TEAD2: variants seen among roughly 807,000 people sequenced by gnomAD.
TEAD2 encodes transcriptional enhancer factor TEF-4.
Under a neutral mutation model 61.4 loss-of-function variants are expected in TEAD2, and 51 were observed. The observed-to-expected ratio is 0.83, with a 90% CI of 0.66 to 1.05. The LOEUF (loss-of-function observed/expected upper bound fraction) is 1.05. Ranked by LOEUF, TEAD2 falls within the 50% of genes least tolerant of loss-of-function variation. TEAD2 has a pLI of 0.00. For missense variants in TEAD2, 509 were observed against 600.0 expected, an observed-to-expected ratio of 0.85 and a Z score of 1.58; for synonymous variants, 244 against 243.2, an observed-to-expected ratio of 1.00 and a Z score of -0.03.
In TEAD2 at chr19:49,346,589, G is replaced by A. The variant is rs376110045; in HGVS notation, c.921+601C>T. ...GGAGAATCGCTTGAATCCAGGAGGC[G>A]GAGGTTGCCGTGAGCCAAGATACAG... On this transcript the variant is annotated intron_variant, in intron 10 of 12. Transcript: ENST00000593945. Among the ~76,000 whole-genome samples, 7 of 151,826 alleles carry A rather than the reference G, an allele frequency of 4.6e-5. No individual in the cohort carries two copies. In the South Asian group the frequency reaches 6.2e-4, roughly 14 times the overall value.
intron 5 of TEAD2, 46 bp downstream of exon 5, chr19:49,355,913 C>G: frequency 7.7e-7 from 1 of 1,293,014 alleles, no homozygotes; most frequent in Non-Finnish European, 9.8e-7. Context: ...GGACAGGGCA[C>G]TAGTTTGGAG....
At position 49,359,623 on chromosome 19, in the gene TEAD2, C is replaced by A; in HGVS notation, c.233-124G>T. 8.3e-7 allele frequency: 1 copy of A among 1,198,992 alleles called. No homozygotes were observed. Among genetic ancestry groups the A allele is most frequent in the Non-Finnish European group, 1.2e-6 (1 of 820,824 alleles). The allele number at this position is 1,198,992 out of a possible 1,614,324, so 74.3% of individuals were successfully genotyped here. ...GGTCTGCAGCAAGTGGGCTGCCGGTCCCCTCAGCTACGTGGAAGCCAGACT... is the reference window on the plus strand; with the variant it reads ...GGTCTGCAGCAAGTGGGCTGCCGGTACCCTCAGCTACGTGGAAGCCAGACT... On this transcript the variant is annotated intron_variant, in intron 2 of 12. Coordinates refer to ENST00000593945, the MANE Select transcript of TEAD2 (RefSeq NM_001256660.2). This position sits in a 1 kb window ranked among gnomAD's most constrained non-coding sequence, Gnocchi z 4.1.
At chr19:49,342,639 G>A (rs372107792) in intron 11 of TEAD2, 49 bp from the exon 12 acceptor site, 37 of 1,592,662 alleles carry the variant, frequency 2.3e-5, no homozygotes, top group African/African-American at 1.3e-4. Flanking sequence ...AGAGACCCAC[G>A]GGTCACCCCA....
chr19:49,356,966 CTGGGTCTCTGTCCCCCTCTGTCTA>C (rs1972443669), intron 4 of TEAD2, among the ~76,000 whole-genome samples: 1 of 151,388 alleles, frequency 6.6e-6, no homozygotes, highest in Non-Finnish European at 1.5e-5. Flanking sequence ...CCCTCTGTCT[CTGGGTCTCTGTCCCCCTCTGTCTA>C]TGGGTCTCTG....
chr19:49,346,280 G>A (rs765955815), intron 10 of TEAD2, among the ~76,000 whole-genome samples: 37 of 152,062 alleles, frequency 2.4e-4, no homozygotes, highest in Non-Finnish European at 3.1e-4. Flanking sequence ...CACGCAAGAT[G>A]GGCCCTCTTA....
At chr19:49,342,081 A>C (rs1971312256) in intron 12 of TEAD2, among the ~76,000 whole-genome samples, 1 of 151,860 alleles carries the variant, frequency 6.6e-6, no homozygotes, top group Non-Finnish European at 1.5e-5. Flanking sequence ...AATCCCAGCT[A>C]CTCGGGAGGC....
rs372519773 is a variant in TEAD2, at chr19:49,355,334, T to C, written c.458A>G (p.Lys153Arg). 8 of 1,614,146 alleles carry C rather than the reference T, an allele frequency of 5.0e-6. No individual in the cohort carries two copies. Among genetic ancestry groups the C allele is most frequent in the East Asian group, 4.5e-5 (2 of 44,878 alleles). Residue 153 changes from lysine to arginine, a missense_variant, in exon 6 of 13, where the codon AAA becomes AGA. Lys to Arg is a conservative substitution (Grantham distance 26). Transcript: ENST00000593945. ...CACCTGAGGACCAGTGGGACCCAGT[T>C]TGGCCTGCAGAGAAGGCGCGGAGAT... ...QLISAPSLQAKLGPTGPQASE... is the reference protein window; with the variant it reads ...QLISAPSLQARLGPTGPQASE...
In TEAD2 at chr19:49,350,650, G is replaced by T. The variant is rs112720418; in HGVS notation, c.604+651C>A. Among the ~76,000 whole-genome samples the T allele has an allele frequency of 6.5e-3, 992 of 151,852 alleles. 18 individuals carry two copies. Among genetic ancestry groups the T allele is most frequent in the Middle Eastern group, 0.038 (11 of 292 alleles). On this transcript the variant is annotated intron_variant, in intron 8 of 12. Transcript: ENST00000593945. Reference sequence around the variant, plus strand: ...GCACCTGCCTCTTCTTTTTTAAAATGTTGCTTCAGCTGGCTTGATTTGGAT... The same window carrying T: ...GCACCTGCCTCTTCTTTTTTAAAATTTTGCTTCAGCTGGCTTGATTTGGAT...
chr19:49,342,227 A>ACCACATCAGTT (rs2067329), intron 12 of TEAD2, among the ~76,000 whole-genome samples: 89,556 of 151,118 alleles, frequency 0.59, 27,935 homozygotes, highest in African/African-American at 0.81. Context: ...TGACATCCCC[A>ACCACATCAGTT]CCCTGGGTGA....
At chr19:49,362,125 C>A (rs2146730053) in intron 1 of TEAD2, among the ~76,000 whole-genome samples, 1 of 152,310 alleles carries the variant, frequency 6.6e-6, no homozygotes, top group African/African-American at 2.4e-5. Context: ...GCGCCCTTGG[C>A]CCGCACCCGC....
rs1300883701 is a variant in TEAD2, at chr19:49,359,561, G to A, written c.233-62C>T. ...TTCAACAGAACTTCCCCACAGCATG[G>A]ACACCAGGGAAGAAGAAAGCAGCAT... On this transcript the variant is annotated intron_variant, in intron 2 of 12. Transcript: ENST00000593945. This position sits in a 1 kb window ranked among gnomAD's most constrained non-coding sequence, Gnocchi z 4.1. 6.4e-7 allele frequency: 1 copy of A among 1,570,736 alleles called. No individual in the cohort carries two copies. The highest frequency in any genetic ancestry group is 8.8e-7 in the Non-Finnish European group (1 of 1,141,220).
At chr19:49,348,049 C>T (rs895965944) in intron 9 of TEAD2, among the ~76,000 whole-genome samples, 2 of 152,182 alleles carry the variant, frequency 1.3e-5, no homozygotes, top group East Asian at 1.9e-4. Flanking sequence ...AAACCTCCTG[C>T]ACAATCTTGA....
intron 3 of TEAD2, among the ~76,000 whole-genome samples, chr19:49,358,459 G>C (rs1001391978): frequency 6.6e-6 from 1 of 151,852 alleles, no homozygotes; most frequent in African/African-American, 2.4e-5. Context: ...AAAGAGTCTG[G>C]GACCTCTGTC....
At chr19:49,349,027 TCTG>T (rs1452917828) in intron 8 of TEAD2, 182 bp from the exon 9 acceptor site, 1 of 623,094 alleles carries the variant, frequency 1.6e-6, no homozygotes, top group African/African-American at 1.9e-5. Context: ...TTAGGGGAAA[TCTG>T]CTGGGGGGCT....
rs762804823 is a variant in TEAD2, at chr19:49,351,286, A to G, written c.604+15T>C. ...AGAGAGGGGAGACAAGGGAGGGTGGAGCGCAGGCTCTTACCTGGGAGGTCA... is the reference window on the plus strand; with the variant it reads ...AGAGAGGGGAGACAAGGGAGGGTGGGGCGCAGGCTCTTACCTGGGAGGTCA... On this transcript the variant is annotated intron_variant, in intron 8 of 12. Coordinates refer to ENST00000593945, the MANE Select transcript of TEAD2 (RefSeq NM_001256660.2). 1.9e-6 allele frequency: 3 copies of G among 1,608,858 alleles called. No individual in the cohort carries two copies. Among genetic ancestry groups the G allele is most frequent in the Non-Finnish European group, 8.5e-7 (1 of 1,178,022 alleles).
intron 10 of TEAD2, among the ~76,000 whole-genome samples, chr19:49,346,171 A>T (rs905685650): frequency 2.1e-5 from 3 of 144,700 alleles, no homozygotes; most frequent in Admixed American, 6.9e-5. Flanking sequence ...ATCTCAAAAA[A>T]AAAAAAAAAA....
chr19:49,342,432 C>A lies in TEAD2; in HGVS notation c.1242+6G>T. 6.2e-7 allele frequency: 1 copy of A among 1,612,302 alleles called. No individual in the cohort carries two copies. Among genetic ancestry groups the A allele is most frequent in the Non-Finnish European group, 8.5e-7 (1 of 1,178,460 alleles). On this transcript the variant is annotated splice_donor_region_variant and intron_variant, in intron 12 of 12. Coordinates refer to ENST00000593945, the MANE Select transcript of TEAD2 (RefSeq NM_001256660.2). ...GGCCCCACTCCAGCCCAGCCCCAGG[C>A]ATCACCTGGAGGATGGTGAAGTTTT...
chr19:49,356,978 C>T (rs1214166388), intron 4 of TEAD2, among the ~76,000 whole-genome samples: 1 of 151,554 alleles, frequency 6.6e-6, no homozygotes, highest in Non-Finnish European at 1.5e-5. Flanking sequence ...GGGTCTCTGT[C>T]CCCCTCTGTC....
intron 9 of TEAD2, 170 bp from the exon 10 acceptor site, chr19:49,347,533 G>A: frequency 1.4e-6 from 1 of 697,894 alleles, no homozygotes; most frequent in Non-Finnish European, 2.4e-6. Flanking sequence ...TCCTGCTTCT[G>A]CACCCAGTCC....
Sources: gnomAD v4.1 joint callset for allele counts (sites outside exome capture counted in the v4.1 genomes callset) on GRCh38, gnomAD v4.1.1 for gene constraint, Gnocchi (gnomAD v3.1) non-coding constraint, MANE v1.5 for transcripts, NCBI Gene and HGNC (gene_info 2026-07-23, HGNC 2026-07-21) for gene names.